The following SPTB variants were observed in gnomAD, a reference collection of about 807,000 sequenced individuals.
The protein encoded by SPTB is spectrin beta chain, erythrocytic.
SPTB carries 45 observed loss-of-function variants against 256.2 expected under a neutral mutation model. The observed-to-expected ratio is 0.18, with a 90% CI of 0.14 to 0.23. SPTB has a LOEUF of 0.23. Among genes scored for constraint, SPTB ranks in the 10% least tolerant of loss-of-function variants. SPTB has a pLI of 1.00. For missense variants in SPTB, 2,715 were observed against 3,040.4 expected, an observed-to-expected ratio of 0.89 and a Z score of 2.52; for synonymous variants, 1,231 against 1,243.1, an observed-to-expected ratio of 0.99 and a Z score of 0.21.
At chr14:64,862,186 G>C (rs766697202) in intron 1 of SPTB, among the ~76,000 whole-genome samples, 2 of 152,058 alleles carry the variant, frequency 1.3e-5, no homozygotes, top group Non-Finnish European at 2.9e-5. Flanking sequence ...CCTACTCCCA[G>C]GGTGCCTCTT....
chr14:64,840,274 CA>C, intron 1 of SPTB, among the ~76,000 whole-genome samples: 1 of 152,330 alleles, frequency 6.6e-6, no homozygotes, highest in Middle Eastern at 3.4e-3. Flanking sequence ...CCAAGTGAAT[CA>C]GCTACTTCTC....
intron 33 of SPTB, chr14:64,752,167 A>C (rs750890678): frequency 8.2e-6 from 11 of 1,336,954 alleles, no homozygotes; most frequent in Non-Finnish European, 9.9e-6. Context: ...TGGTGAGGGA[A>C]TCAAACTGAT....
intron 1 of SPTB, among the ~76,000 whole-genome samples, chr14:64,859,680 GTC>G (rs879270083): frequency 3.0e-5 from 4 of 132,798 alleles, no homozygotes; most frequent in Admixed American, 7.9e-5. Context: ...GGGAGACTCT[GTC>G]TCTCTCTCTC....
At chr14:64,773,169 C>A in intron 25 of SPTB, 51 bp downstream of exon 25, 1 of 1,608,430 alleles carries the variant, frequency 6.2e-7, no homozygotes, top group South Asian at 1.1e-5. Flanking sequence ...CGGCTGGCTG[C>A]GTCTACCGCA....
At chr14:64,856,219 G>A (rs961531377) in intron 1 of SPTB, among the ~76,000 whole-genome samples, 6 of 152,202 alleles carry the variant, frequency 3.9e-5, no homozygotes, top group East Asian at 3.8e-4. Flanking sequence ...CAGGAATCTC[G>A]CTTCAGTTTT....
chr14:64,750,206 GA>G, intron 33 of SPTB, 52 bp from the exon 34 acceptor site: 1 of 1,578,444 alleles, frequency 6.3e-7, no homozygotes, highest in Non-Finnish European at 8.6e-7. Flanking sequence ...GGTATCTCTA[GA>G]GTCAATTCCT....
intron 23 of SPTB, 49 bp from the exon 24 acceptor site, chr14:64,774,576 C>T: frequency 6.4e-7 from 1 of 1,550,640 alleles, no homozygotes; most frequent in Non-Finnish European, 8.7e-7. Flanking sequence ...GGCCATGATC[C>T]CTCCCTTGGC....
rs2082490775 is a variant in SPTB, at chr14:64,782,522, T to C, written c.4034A>G (p.Gln1345Arg). 6.2e-7 allele frequency: 1 copy of C among 1,614,018 alleles called. No individual in the cohort carries two copies. ...EGKQLMDEKPQFTALVSQKLE... is the reference protein window; with the variant it reads ...EGKQLMDEKPRFTALVSQKLE... ...CTTTTGGGACACCAGGGCTGTAAAC[T>C]GGGGCTTCTCATCCATCAGCTGCTT... The change falls in exon 20 of 36, where the codon CAG becomes CGG. Residue 1345 changes from glutamine to arginine, a missense_variant. Around this residue, in one of 4 missense-constraint regions of SPTB, gnomAD observed 2,239 missense variants for 2,384.4 expected, o/e 0.94. Coordinates refer to ENST00000644917, the MANE Select transcript of SPTB (RefSeq NM_001355436.2).
chr14:64,828,442 C>T (rs1263452700), intron 1 of SPTB, among the ~76,000 whole-genome samples: 1 of 152,202 alleles, frequency 6.6e-6, no homozygotes, highest in East Asian at 1.9e-4. Context: ...ACTTCACATC[C>T]TGCACAGAGG....
chr14:64,776,698 TC>T (rs762840998), intron 22 of SPTB, among the ~76,000 whole-genome samples: 3 of 152,218 alleles, frequency 2.0e-5, no homozygotes, highest in Non-Finnish European at 4.4e-5. Flanking sequence ...CGCTTCGGCC[TC>T]CCAAAGTGCT....
At chr14:64,854,037 C>T (rs1417074787) in intron 1 of SPTB, among the ~76,000 whole-genome samples, 4 of 151,694 alleles carry the variant, frequency 2.6e-5, no homozygotes, top group East Asian at 2.0e-4. Flanking sequence ...ATTAAAAATA[C>T]AAAAATTAGC....
At position 64,845,702 on chromosome 14, in the gene SPTB, T is replaced by C. The variant is rs2083680690; in HGVS notation, c.-51-22557A>G. Among the ~76,000 whole-genome samples, 1 of 152,254 alleles carries C rather than the reference T, an allele frequency of 6.6e-6. No individual in the cohort carries two copies. The highest frequency in any genetic ancestry group is 1.5e-5 in the Non-Finnish European group (1 of 68,042). Reference sequence around the variant, plus strand: ...TTGACAATAGGAAATTATCATGTTTTAGGGATTAGAAGTTTCCCTGTGTGT... The same window carrying C: ...TTGACAATAGGAAATTATCATGTTTCAGGGATTAGAAGTTTCCCTGTGTGT... On this transcript the variant is annotated intron_variant, in intron 1 of 35. Transcript: ENST00000644917. This position sits in a 1 kb window ranked among gnomAD's most constrained non-coding sequence, Gnocchi z 4.8.
chr14:64,811,431 A>AT (rs2139663373), intron 2 of SPTB, among the ~76,000 whole-genome samples: 1 of 152,348 alleles, frequency 6.6e-6, no homozygotes, highest in Admixed American at 6.5e-5. Context: ...TCATAAAGAC[A>AT]TTTTTAAGAC....
At position 64,786,068 on chromosome 14, in the gene SPTB, A is replaced by G; in HGVS notation, c.3562-117T>C. The G allele has an allele frequency of 1.9e-6, 2 of 1,048,814 alleles. No homozygotes were observed. The highest frequency in any genetic ancestry group is 2.9e-6 in the Non-Finnish European group (2 of 687,858). 65.0% of individuals were successfully genotyped at this position (1,048,814 alleles called of 1,614,324 possible). The stretch of plus-strand genomic sequence containing the variant: ...AGGCCACGGTATGAATGAGCCCCCT[A>G]GAGTAGTACAGGGAGGAGGCACTAC... On this transcript the variant is annotated intron_variant, in intron 16 of 35. Coordinates refer to ENST00000644917, the MANE Select transcript of SPTB (RefSeq NM_001355436.2). This position sits in a 1 kb window ranked among gnomAD's most constrained non-coding sequence, Gnocchi z 5.6.
rs75204367 is a variant in SPTB, at chr14:64,820,415, G to A, written c.148+2532C>T. On this transcript the variant is annotated intron_variant, in intron 2 of 35. Transcript: ENST00000644917. ...GCTCAAGCCCAGGTCACTTAGAGTGGACTCTCAGGAGAAGGAAGCCAGTAA... is the reference window on the plus strand; with the variant it reads ...GCTCAAGCCCAGGTCACTTAGAGTGAACTCTCAGGAGAAGGAAGCCAGTAA... Among the ~76,000 whole-genome samples, 1,491 of 152,336 alleles carry A rather than the reference G, an allele frequency of 9.8e-3. 29 individuals are homozygous for A. Among genetic ancestry groups the A allele is most frequent in the African/African-American group, 0.034 (1,416 of 41,560 alleles).
chr14:64,860,967 C>A (rs976847861), intron 1 of SPTB, among the ~76,000 whole-genome samples: 2 of 152,072 alleles, frequency 1.3e-5, no homozygotes, highest in African/African-American at 4.8e-5. Flanking sequence ...TGGAACCAAC[C>A]CAAATGCCTG....
At chr14:64,817,553 C>T (rs1176488225) in intron 2 of SPTB, among the ~76,000 whole-genome samples, 1 of 152,236 alleles carries the variant, frequency 6.6e-6, no homozygotes, top group African/African-American at 2.4e-5. Context: ...CCTTGTTCTC[C>T]AGCAGCTGCA....
In SPTB at chr14:64,844,453, T is replaced by A. The variant is rs922059330; in HGVS notation, c.-51-21308A>T. 6.6e-6 allele frequency among the ~76,000 whole-genome samples: 1 copy of A among 152,218 alleles called. No homozygotes were observed. The highest frequency in any genetic ancestry group is 1.5e-5 in the Non-Finnish European group (1 of 68,030). On this transcript the variant is annotated intron_variant, in intron 1 of 35. Coordinates refer to ENST00000644917, the MANE Select transcript of SPTB (RefSeq NM_001355436.2). The surrounding 1 kb of genome is among the most constrained non-coding windows in gnomAD (Gnocchi z 4.1). ...AAGTGCCTGACATACATACCTCCTT[T>A]CATCATCAGTGCTCTCCTGTGAGTG... is the stretch of plus-strand genomic sequence containing the variant.
At chr14:64,815,505 T>C (rs2083174334) in intron 2 of SPTB, among the ~76,000 whole-genome samples, 1 of 152,174 alleles carries the variant, frequency 6.6e-6, no homozygotes, top group Non-Finnish European at 1.5e-5. Flanking sequence ...GTCATGGAGA[T>C]GATCTGAACA....
Sources: gnomAD v4.1 joint callset for allele counts (sites outside exome capture counted in the v4.1 genomes callset) on GRCh38, gnomAD v4.1.1 for gene constraint, gnomAD v4.1.1 regional missense constraint, Gnocchi (gnomAD v3.1) non-coding constraint, MANE v1.5 for transcripts, NCBI Gene and HGNC (gene_info 2026-07-23, HGNC 2026-07-21) for gene names.